RYR2: variants seen among roughly 807,000 people sequenced by gnomAD.
RYR2 encodes the protein cardiac muscle ryanodine receptor-calcium release channel.
Under a neutral mutation model 601.1 loss-of-function variants are expected in RYR2, and 227 were observed. That is an observed-to-expected ratio of 0.38 (90% CI 0.34 to 0.42). The LOEUF is 0.42. Among genes scored for constraint, RYR2 ranks in the 10% least tolerant of loss-of-function variants. The probability of loss-of-function intolerance (pLI) is 1.00; values close to 1 mark genes in which losing one functional copy is unlikely to be tolerated. For synonymous variants in RYR2, 2,223 were observed against 2,175.1 expected (o/e 1.02, Z -0.61); for missense variants, 4,646 against 6,156.5 (o/e 0.75, Z 8.21).
chr1:237,137,547 C>T (rs1003031680), intron 1 of RYR2, among the ~76,000 whole-genome samples: 7 of 152,036 alleles, frequency 4.6e-5, no homozygotes, highest in South Asian at 2.1e-4. Context: ...TGTAATTTTC[C>T]GTAAATTGGT....
chr1:237,356,108 C>T lies in RYR2; in HGVS notation c.294+123C>T, dbSNP rs1424775431. 9.8e-6 allele frequency: 8 copies of T among 813,238 alleles called. No homozygotes were observed. The East Asian group carries it at 1.4e-4, about 14-fold the overall frequency. 50.4% of individuals were successfully genotyped at this position (813,238 alleles called of 1,614,324 possible). On this transcript the variant is annotated intron_variant, in intron 4 of 104. Coordinates refer to ENST00000366574, the MANE Select transcript of RYR2 (RefSeq NM_001035.3). The stretch of plus-strand genomic sequence containing the variant: ...CTATTAGTGTTCAAACTAACTGCTT[C>T]GTTGTAATGAACACATGTTTTACAG...
At chr1:237,461,382 T>C (rs1303660540) in intron 16 of RYR2, among the ~76,000 whole-genome samples, 2 of 152,164 alleles carry the variant, frequency 1.3e-5, no homozygotes, top group African/African-American at 4.8e-5. Flanking sequence ...TTATGAACTT[T>C]CATAGACTCT....
chr1:237,319,055 A>G (rs1695372465), intron 2 of RYR2, among the ~76,000 whole-genome samples: 1 of 152,022 alleles, frequency 6.6e-6, no homozygotes, highest in African/African-American at 2.4e-5. Context: ...CTGATAATCT[A>G]TCACTGATTC....
In RYR2 at chr1:237,468,916, A is replaced by G. The variant is rs532603692; in HGVS notation, c.1613-176A>G. Among the ~76,000 whole-genome samples the G allele has an allele frequency of 4.6e-5, 7 of 152,136 alleles. No individual in the cohort carries two copies. The South Asian group carries it at 1.5e-3, about 32-fold the overall frequency. On this transcript the variant is annotated intron_variant, in intron 16 of 104. Coordinates refer to ENST00000366574, the MANE Select transcript of RYR2 (RefSeq NM_001035.3). ...CTTCAGTCTCAATTAATAATTATTA[A>G]TTTGTCTTTAATGTCTCAGTGTTGT...
intron 102 of RYR2, among the ~76,000 whole-genome samples, chr1:237,829,100 A>C (rs1213492238): frequency 6.6e-6 from 1 of 152,224 alleles, no homozygotes; most frequent in Non-Finnish European, 1.5e-5. Flanking sequence ...TCTGATGATG[A>C]GGCTGGAGAG....
chr1:237,790,405 G>A (rs1361288835), intron 92 of RYR2, among the ~76,000 whole-genome samples: 2 of 151,930 alleles, frequency 1.3e-5, no homozygotes, highest in Non-Finnish European at 1.5e-5. Context: ...TCTGCCTGAC[G>A]TCTTGTACTA....
chr1:237,661,028 T>TA, intron 56 of RYR2, 81 bp downstream of exon 56: 1 of 1,208,946 alleles, frequency 8.3e-7, no homozygotes, highest in Non-Finnish European at 1.1e-6. Flanking sequence ...TGAGTTTTTC[T>TA]AAAGAATAAT....
chr1:237,472,868 T>C (rs948719860), intron 17 of RYR2, among the ~76,000 whole-genome samples: 2 of 152,062 alleles, frequency 1.3e-5, no homozygotes, highest in African/African-American at 4.8e-5. Context: ...AAACACTGGG[T>C]TCTCTAGGAC....
intron 38 of RYR2, among the ~76,000 whole-genome samples, chr1:237,622,111 C>A (rs577976249): frequency 3.3e-5 from 5 of 151,636 alleles, no homozygotes; most frequent in Admixed American, 3.3e-4. Context: ...TCAAAATAAA[C>A]GTTTAGGGAA....
At chr1:237,296,206 G>A (rs1183733742) in intron 2 of RYR2, among the ~76,000 whole-genome samples, 1 of 152,164 alleles carries the variant, frequency 6.6e-6, no homozygotes, top group Non-Finnish European at 1.5e-5. Flanking sequence ...AAGGGGGTAA[G>A]TGGTATGAGA....
At chr1:237,595,159 GA>G (rs1486048028) in intron 33 of RYR2, among the ~76,000 whole-genome samples, 1 of 151,968 alleles carries the variant, frequency 6.6e-6, no homozygotes, top group Non-Finnish European at 1.5e-5. Flanking sequence ...TACAAATTTG[GA>G]TGATTTTTAA....
At chr1:237,297,393 T>C (rs1434012112) in intron 2 of RYR2, among the ~76,000 whole-genome samples, 1 of 152,162 alleles carries the variant, frequency 6.6e-6, no homozygotes, top group Non-Finnish European at 1.5e-5. Flanking sequence ...AGTAATAACT[T>C]CTATGAAAGT....
intron 80 of RYR2, among the ~76,000 whole-genome samples, chr1:237,747,778 A>T (rs1692204335): frequency 6.6e-6 from 1 of 152,190 alleles, no homozygotes; most frequent in Non-Finnish European, 1.5e-5. Context: ...AATGCATAAA[A>T]ATTAAAGATA....
intron 1 of RYR2, among the ~76,000 whole-genome samples, chr1:237,053,697 G>A (rs758944358): frequency 5.3e-5 from 8 of 152,196 alleles, no homozygotes; most frequent in Non-Finnish European, 1.2e-4. Context: ...CCTTTAAAGA[G>A]CTTATTCTGT....
chr1:237,747,869 T>C (rs964983941), intron 80 of RYR2, among the ~76,000 whole-genome samples: 13 of 152,106 alleles, frequency 8.5e-5, no homozygotes, highest in Admixed American at 3.9e-4. Context: ...CTGCAGGAGG[T>C]ATATGGTATC....
At chr1:237,188,851 T>C (rs1293825663) in intron 1 of RYR2, among the ~76,000 whole-genome samples, 1 of 152,226 alleles carries the variant, frequency 6.6e-6, no homozygotes, top group Non-Finnish European at 1.5e-5. Flanking sequence ...CTTAATATTT[T>C]ACAGCATTTT....
chr1:237,742,791 A>G (rs1055520704), intron 80 of RYR2, among the ~76,000 whole-genome samples: 4 of 152,222 alleles, frequency 2.6e-5, no homozygotes, highest in African/African-American at 7.2e-5. Context: ...CACTCATTCC[A>G]TGTACATATG....
chr1:237,079,956 G>C, intron 1 of RYR2, among the ~76,000 whole-genome samples: 1 of 38,290 alleles, frequency 2.6e-5, no homozygotes, highest in Non-Finnish European at 4.6e-5. Flanking sequence ...ACAGAACAGA[G>C]CCCTCAGAAA....
intron 1 of RYR2, among the ~76,000 whole-genome samples, chr1:237,166,644 T>C (rs1268251799): frequency 1.3e-5 from 2 of 152,218 alleles, no homozygotes; most frequent in Admixed American, 1.3e-4. Context: ...TTGAGTCATG[T>C]AATGAGTATT....
Sources: allele counts gnomAD v4.1 joint callset (sites outside exome capture counted in the v4.1 genomes callset), GRCh38; gene constraint gnomAD v4.1.1; transcripts MANE v1.5; gene names NCBI Gene and HGNC (gene_info 2026-07-23, HGNC 2026-07-21).